ACAD11: variants seen among roughly 807,000 people sequenced by gnomAD.
The protein encoded by ACAD11 is acyl-CoA dehydrogenase family member 11.
In ACAD11, 83 loss-of-function variants were observed where a neutral mutation model predicts 102.2. The observed-to-expected ratio is 0.81, with a 90% CI of 0.68 to 0.97. ACAD11 has a LOEUF of 0.97. ACAD11 is among the 50% of genes least tolerant of loss of function. ACAD11 has a pLI of 0.00. For synonymous variants in ACAD11, 324 were observed against 319.8 expected (o/e 1.01, Z -0.14); for missense variants, 901 against 951.7 (o/e 0.95, Z 0.70).
At chr3:132,564,870 A>G (rs1216340271) in intron 17 of ACAD11, among the ~76,000 whole-genome samples, 1 of 152,216 alleles carries the variant, frequency 6.6e-6, no homozygotes, top group Non-Finnish European at 1.5e-5. Flanking sequence ...CTTCAGGTCC[A>G]AAAGAATAAC....
intron 13 of ACAD11, among the ~76,000 whole-genome samples, chr3:132,581,403 G>C (rs77326357): frequency 1.3e-5 from 2 of 151,862 alleles, no homozygotes; most frequent in Non-Finnish European, 2.9e-5. Context: ...GGAAGTCTTA[G>C]AATCCAAAAG....
intron 5 of ACAD11, among the ~76,000 whole-genome samples, chr3:132,635,839 T>A (rs1208595790): frequency 6.6e-6 from 1 of 151,944 alleles, no homozygotes; most frequent in African/African-American, 2.4e-5. Context: ...AGAGCTTTTA[T>A]TGTGGTTATA....
chr3:132,611,242 C>G (rs1334076423), intron 11 of ACAD11, among the ~76,000 whole-genome samples: 1 of 152,076 alleles, frequency 6.6e-6, no homozygotes, highest in Non-Finnish European at 1.5e-5. Context: ...TAAGAGCTAT[C>G]TATGACAAAT....
At chr3:132,600,031 CTTTT>C (rs1938498931) in intron 13 of ACAD11, among the ~76,000 whole-genome samples, 1 of 151,984 alleles carries the variant, frequency 6.6e-6, no homozygotes, top group African/African-American at 2.4e-5. Context: ...ACTATTTATT[CTTTT>C]TAGTTAAAAT....
At chr3:132,652,264 T>A (rs1940956464) in intron 1 of ACAD11, among the ~76,000 whole-genome samples, 1 of 152,214 alleles carries the variant, frequency 6.6e-6, no homozygotes, top group Admixed American at 6.5e-5. Context: ...CATTCTCTCT[T>A]GCCTGACTTC....
chr3:132,601,720 T>G (rs1938611163), intron 13 of ACAD11: 1 of 438,790 alleles, frequency 2.3e-6, no homozygotes, highest in Admixed American at 3.6e-5. Context: ...AGAAGAGCTT[T>G]GTGGTGATAA....
intron 17 of ACAD11, chr3:132,561,423 A>C: frequency 1.8e-6 from 1 of 548,720 alleles, no homozygotes; most frequent in South Asian, 1.7e-5. Context: ...TTACAGTTAA[A>C]ATTGAAATAT....
intron 19 of ACAD11, 57 bp downstream of exon 19, chr3:132,559,776 G>C: frequency 7.1e-7 from 1 of 1,416,416 alleles, no homozygotes; most frequent in Non-Finnish European, 9.8e-7. Context: ...GGCATCTGTA[G>C]ATTTTTTACC....
At chr3:132,580,693 A>C (rs1355748358) in intron 13 of ACAD11, among the ~76,000 whole-genome samples, 1 of 152,082 alleles carries the variant, frequency 6.6e-6, no homozygotes, top group Non-Finnish European at 1.5e-5. Context: ...ACAGAGACAC[A>C]TACTAAAATA....
In ACAD11 at chr3:132,609,988, C is replaced by T. The variant is rs191302771; in HGVS notation, c.1415-4783G>A. On this transcript the variant is annotated intron_variant, in intron 11 of 19. Transcript: ENST00000264990. ...GCTGGTTCAACATATGCAAACCAAT[C>T]GATGTAATCCATCACATAAACAGAA... Among the ~76,000 whole-genome samples the T allele has an allele frequency of 5.4e-3, 824 of 152,070 alleles. 10 individuals are homozygous for T. Among genetic ancestry groups the T allele is most frequent in the African/African-American group, 0.019 (785 of 41,492 alleles).
chr3:132,600,282 C>A (rs908243151), intron 13 of ACAD11: 1 of 951,250 alleles, frequency 1.1e-6, no homozygotes, highest in Non-Finnish European at 1.5e-6. Flanking sequence ...ACATATGTTA[C>A]AGCAACAGGC....
chr3:132,594,166 G>T, intron 13 of ACAD11, among the ~76,000 whole-genome samples: 1 of 152,078 alleles, frequency 6.6e-6, no homozygotes, highest in East Asian at 1.9e-4. Context: ...TGCCTCAAGG[G>T]CTTTGTATGT....
At chr3:132,595,898 T>C (rs1389476160) in intron 13 of ACAD11, among the ~76,000 whole-genome samples, 1 of 151,882 alleles carries the variant, frequency 6.6e-6, no homozygotes, top group East Asian at 1.9e-4. Flanking sequence ...GACAGAAATA[T>C]CATTCGAGCC....
chr3:132,619,512 A>C lies in ACAD11; in HGVS notation c.1231T>G (p.Ser411Ala). Residue 411 changes from serine to alanine, a missense_variant, in exon 10 of 20, where the codon TCA becomes GCA. Transcript: ENST00000264990. ...VTEFYVQNEN[S>A]VDKWGKPLVI... ...AAAGGTTTTCCCCACTTGTCCACTG[A>C]ATTTTCATTTTGAACATAGAACTCA... 1 of 1,593,594 alleles carries C rather than the reference A, an allele frequency of 6.3e-7. No homozygotes were observed. The highest frequency in any genetic ancestry group is 8.5e-7 in the Non-Finnish European group (1 of 1,172,070).
intron 13 of ACAD11, among the ~76,000 whole-genome samples, chr3:132,586,042 G>A (rs111962598): frequency 0.012 from 1,893 of 152,170 alleles, 40 homozygotes; most frequent in African/African-American, 0.043. Context: ...ACATGCACAC[G>A]TATGTTTATT....
chr3:132,645,212 C>T (rs1940673332), intron 1 of ACAD11, among the ~76,000 whole-genome samples: 1 of 152,148 alleles, frequency 6.6e-6, no homozygotes, highest in African/African-American at 2.4e-5. Context: ...AGAACAATGA[C>T]TGATCTAAGT....
intron 15 of ACAD11, 60 bp downstream of exon 15, chr3:132,578,736 T>G (rs1937557456): frequency 1.3e-6 from 2 of 1,566,706 alleles, no homozygotes; most frequent in African/African-American, 2.7e-5. Flanking sequence ...GCCTTCAATG[T>G]TACTGCATAT....
chr3:132,619,398 A>G (rs1939526765), intron 10 of ACAD11, 70 bp downstream of exon 10: 2 of 1,037,346 alleles, frequency 1.9e-6, no homozygotes, highest in Non-Finnish European at 2.8e-6. Context: ...CAATAGCAAC[A>G]ACAAAACTAA....
chr3:132,558,912 C>T lies in ACAD11; in HGVS notation c.*59G>A, dbSNP rs1936962832. On this transcript the variant is annotated 3_prime_UTR_variant, in exon 20 of 20. Coordinates refer to ENST00000264990, the MANE Select transcript of ACAD11 (RefSeq NM_032169.5). ...AAAATATGAGATTCAAATGTTGGAG[C>T]CAATGAAGTTTGTATAAAGGAGAGT... 1 of 1,219,384 alleles carries T rather than the reference C, an allele frequency of 8.2e-7. No individual in the cohort carries two copies. The highest frequency in any genetic ancestry group is 2.4e-5 in the East Asian group (1 of 42,254). 75.5% of individuals were successfully genotyped at this position (1,219,384 alleles called of 1,614,324 possible).
Sources: gnomAD v4.1 joint callset for allele counts (sites outside exome capture counted in the v4.1 genomes callset) on GRCh38, gnomAD v4.1.1 for gene constraint, MANE v1.5 for transcripts, NCBI Gene and HGNC (gene_info 2026-07-23, HGNC 2026-07-21) for gene names.